The following GRID2 variants were observed in gnomAD, a reference collection of about 807,000 sequenced individuals.
GRID2 encodes the protein glutamate ionotropic receptor delta type subunit 2, also known as glutamate receptor ionotropic, delta-2.
A neutral mutation model predicts 114.8 loss-of-function variants in GRID2; 33 were observed. That is an observed-to-expected ratio of 0.29 (90% CI 0.22 to 0.38). The LOEUF (loss-of-function observed/expected upper bound fraction) is 0.38, where lower values mean the gene tolerates loss of function less well. GRID2 is among the 10% of genes least tolerant of loss of function. GRID2 has a pLI of 1.00. For synonymous variants in GRID2, 505 were observed against 449.9 expected (o/e 1.12, Z -1.55); for missense variants, 1,184 against 1,257.7 (o/e 0.94, Z 0.89).
intron 12 of GRID2, among the ~76,000 whole-genome samples, chr4:93,491,202 G>A (rs1041010958): frequency 7.2e-5 from 11 of 151,960 alleles, no homozygotes; most frequent in Non-Finnish European, 1.2e-4. Context: ...AGAGATAGAC[G>A]GATGATTGGG....
In GRID2 at chr4:92,709,589, A is replaced by AATATATAT. The variant is rs1553919235; in HGVS notation, c.244+119316_244+119323dup. Reference sequence around the variant, plus strand: ...AGTGTAGAGAAAAAAAAAAAAAAAAAATATATATATATATATATATGTAAT... The same window carrying AATATATAT: ...AGTGTAGAGAAAAAAAAAAAAAAAAAATATATATATATATATATATATATATATGTAAT... On this transcript the variant is annotated intron_variant, in intron 2 of 15. Transcript: ENST00000282020. Among the ~76,000 whole-genome samples the AATATATAT allele has an allele frequency of 1.7e-3, 195 of 114,610 alleles. 1 individual carries two copies. Among genetic ancestry groups the AATATATAT allele is most frequent in the Middle Eastern group, 0.01 (2 of 198 alleles). The allele number at this position is 114,610 out of a possible 152,430, so 75.2% of individuals were successfully genotyped here.
chr4:93,126,870 T>C (rs1253811670), intron 4 of GRID2, among the ~76,000 whole-genome samples: 1 of 152,272 alleles, frequency 6.6e-6, no homozygotes, highest in Non-Finnish European at 1.5e-5. Flanking sequence ...GTGCTGGGAT[T>C]ACAGGCGTGA....
intron 2 of GRID2, among the ~76,000 whole-genome samples, chr4:92,676,731 A>C (rs1347362273): frequency 6.6e-6 from 1 of 151,042 alleles, no homozygotes; most frequent in East Asian, 1.9e-4. Context: ...GCAATTCCTC[A>C]AAAAAAAAGT....
chr4:92,799,958 T>C (rs1248503873), intron 2 of GRID2, among the ~76,000 whole-genome samples: 3 of 152,034 alleles, frequency 2.0e-5, no homozygotes, highest in African/African-American at 7.2e-5. Flanking sequence ...TCCTTTCATA[T>C]GCTTGCTCAT....
intron 13 of GRID2, among the ~76,000 whole-genome samples, chr4:93,523,800 A>C (rs1277308437): frequency 6.6e-6 from 1 of 152,180 alleles, no homozygotes; most frequent in Non-Finnish European, 1.5e-5. Context: ...AGGCTGGGAA[A>C]GATAGCAGCT....
chr4:92,593,647 C>A (rs968026983), intron 2 of GRID2, among the ~76,000 whole-genome samples: 1 of 151,766 alleles, frequency 6.6e-6, no homozygotes, highest in African/African-American at 2.4e-5. Flanking sequence ...GATTTCAGAT[C>A]TTTGAAATAC....
rs754735245 is a variant in GRID2, at chr4:93,085,127, C to A, written c.377C>A (p.Thr126Asn). ...TTCATTCAGCGCTCAACAGCTGGGA[C>A]CCCAAGGAGTGGCTGTGGACTCACC... ...HLFIQRSTAG[T>N]PRSGCGLTRS... Residue 126 changes from threonine (T) to asparagine (N), a missense_variant, in exon 3 of 16, where the codon ACC becomes AAC. This residue lies in a region of GRID2 where 455 missense variants were observed against 429.5 expected (regional missense o/e 1.06). Coordinates refer to ENST00000282020, the MANE Select transcript of GRID2 (RefSeq NM_001510.4). The A allele has an allele frequency of 1.9e-6, 3 of 1,614,136 alleles. No homozygotes were observed. Among genetic ancestry groups the A allele is most frequent in the South Asian group, 1.1e-5 (1 of 91,082 alleles).
intron 2 of GRID2, among the ~76,000 whole-genome samples, chr4:92,779,122 C>G (rs191030006): frequency 7.9e-5 from 12 of 151,592 alleles, no homozygotes; most frequent in Non-Finnish European, 1.8e-4. Flanking sequence ...TTGAGAAGAA[C>G]TATAGTAGCA....
In GRID2 at chr4:92,704,689, A is replaced by G. The variant is rs141606086; in HGVS notation, c.244+114403A>G. On this transcript the variant is annotated intron_variant, in intron 2 of 15. Coordinates refer to ENST00000282020, the MANE Select transcript of GRID2 (RefSeq NM_001510.4). ...CACTGGAAGATTTCTTTTCTCCCCA[A>G]TCAATCAATCAATCTCTCTCTCTCT... Among the ~76,000 whole-genome samples, 8 of 122,336 alleles carry G rather than the reference A, an allele frequency of 6.5e-5. No homozygotes were observed. The East Asian group carries it at 1.4e-3, about 22-fold the overall frequency. 80.3% of individuals were successfully genotyped at this position (122,336 alleles called of 152,430 possible).
chr4:93,684,178 C>A (rs2110099977), intron 14 of GRID2, among the ~76,000 whole-genome samples: 1 of 152,122 alleles, frequency 6.6e-6, no homozygotes, highest in Non-Finnish European at 1.5e-5. Flanking sequence ...TTTTGTCTTT[C>A]TGACTTTTCT....
At chr4:92,944,383 A>T (rs902164581) in intron 2 of GRID2, among the ~76,000 whole-genome samples, 1 of 152,206 alleles carries the variant, frequency 6.6e-6, no homozygotes, top group Non-Finnish European at 1.5e-5. Flanking sequence ...CAGGTGCTGG[A>T]TATAATCTCC....
At chr4:92,929,739 C>G (rs1452398064) in intron 2 of GRID2, among the ~76,000 whole-genome samples, 1 of 147,912 alleles carries the variant, frequency 6.8e-6, no homozygotes, top group Non-Finnish European at 1.5e-5. Context: ...ATTAAAATCT[C>G]TCCTTTGCCA....
chr4:93,537,327 G>T (rs1004821601), intron 13 of GRID2, among the ~76,000 whole-genome samples: 1 of 151,628 alleles, frequency 6.6e-6, no homozygotes, highest in Non-Finnish European at 1.5e-5. Context: ...GAATTAAGCA[G>T]GTTTTTGAGA....
chr4:93,804,819 A>G (rs901507452), intron 1 of GRID2, among the ~76,000 whole-genome samples: 5 of 152,124 alleles, frequency 3.3e-5, no homozygotes, highest in African/African-American at 7.2e-5. Context: ...CTCCTCCATG[A>G]TTTCTTCTTT....
At chr4:93,432,742 C>T (rs1434384311) in intron 10 of GRID2, among the ~76,000 whole-genome samples, 1 of 152,074 alleles carries the variant, frequency 6.6e-6, no homozygotes, top group Admixed American at 6.5e-5. Flanking sequence ...GTAAACTGTA[C>T]ACCCTAGTTA....
At chr4:92,451,282 C>T (rs530964796) in intron 1 of GRID2, among the ~76,000 whole-genome samples, 16 of 152,010 alleles carry the variant, frequency 1.1e-4, no homozygotes, top group African/African-American at 3.4e-4. Flanking sequence ...ACATGAAAGC[C>T]GGTAATTCTA....
intron 8 of GRID2, among the ~76,000 whole-genome samples, chr4:93,316,336 G>T (rs1041675339): frequency 1.9e-5 from 1 of 53,336 alleles, no homozygotes; most frequent in Non-Finnish European, 4.2e-5. Context: ...AAGAAAGAAA[G>T]AAAGAAGGAA....
At chr4:93,197,092 A>T (rs1322974594) in intron 4 of GRID2, among the ~76,000 whole-genome samples, 1 of 152,184 alleles carries the variant, frequency 6.6e-6, no homozygotes, top group Non-Finnish European at 1.5e-5. Context: ...TCTATGGTTT[A>T]GTCTCTTTCT....
chr4:93,111,645 G>A (rs573263376), intron 4 of GRID2, among the ~76,000 whole-genome samples: 1 of 151,366 alleles, frequency 6.6e-6, no homozygotes, highest in South Asian at 2.1e-4. Context: ...CCCACTTCAA[G>A]TTTTTAATGT....
Sources: allele counts gnomAD v4.1 joint callset (sites outside exome capture counted in the v4.1 genomes callset), GRCh38; gene constraint gnomAD v4.1.1; regional missense constraint gnomAD v4.1.1; transcripts MANE v1.5; gene names NCBI Gene and HGNC (gene_info 2026-07-23, HGNC 2026-07-21).